Variants in SNAI2 observed in about 807,000 individuals in gnomAD.
SNAI2 encodes the protein snail family transcriptional repressor 2.
A neutral mutation model predicts 22.4 loss-of-function variants in SNAI2; 2 were observed. The observed-to-expected ratio is 0.09, with a 90% confidence interval of 0.04 to 0.28. SNAI2 has a LOEUF of 0.28. Among genes scored for constraint, SNAI2 ranks in the 10% least tolerant of loss-of-function variants. The probability of loss-of-function intolerance (pLI) is 1.00; values close to 1 mark genes in which losing one functional copy is unlikely to be tolerated. For missense variants in SNAI2, 239 were observed against 320.8 expected (o/e 0.75, Z 1.95); for synonymous variants, 134 against 123.0 (o/e 1.09, Z -0.59).
chr8:48,920,330 G>C lies in SNAI2; in HGVS notation c.191C>G (p.Pro64Arg), dbSNP rs1438797146. 1.9e-6 allele frequency: 3 copies of C among 1,611,716 alleles called. No homozygotes were observed. The highest frequency in any genetic ancestry group is 2.5e-6 in the Non-Finnish European group (3 of 1,178,314). Residue 64 changes from proline (P) to arginine (R), a missense_variant, in exon 2 of 3, where the codon CCA (proline) becomes CGA (arginine). This residue lies in a region of SNAI2 where 183 missense variants were observed against 190.4 expected (regional missense o/e 0.96). Transcript: ENST00000020945. ...SPITVWTTAA[P>R]FHAQLPNGLS... ...GCCATTGGGTAGCTGGGCGTGGAAT[G>C]GAGCAGCGGTAGTCCACACAGTGAT... is the stretch of plus-strand genomic sequence containing the variant.
At position 48,918,726 on chromosome 8, in the gene SNAI2, A is replaced by C. The variant is rs1806115860; in HGVS notation, c.*81T>G. 2.0e-6 allele frequency: 3 copies of C among 1,489,440 alleles called. No homozygotes were observed. The highest frequency in any genetic ancestry group is 1.4e-5 in the African/African-American group (1 of 72,394). 92.3% of individuals were successfully genotyped at this position (1,489,440 alleles called of 1,614,324 possible). A position where few individuals can be genotyped will look rare whatever the true frequency, so the allele number is the denominator to read the frequency against. On this transcript the variant is annotated 3_prime_UTR_variant, in exon 3 of 3. Transcript: ENST00000020945. ...ATTATTTGGTTGGTCAGCACAGGAG[A>C]AAATGCCTTTGGACTTTATTTGTCA... is the stretch of plus-strand genomic sequence containing the variant.
At chr8:48,920,604 T>G (rs747364518) in intron 1 of SNAI2, among the ~76,000 whole-genome samples, 163 bp from the exon 2 acceptor site, 5 of 152,226 alleles carry the variant, frequency 3.3e-5, no homozygotes, top group Non-Finnish European at 7.3e-5. Context: ...GTAAAATGTT[T>G]CATTTCCACC....
Position 48,920,176 on chromosome 8 carries a change from G to T in SNAI2, c.345C>A (p.Ser115=), listed in dbSNP as rs899026679. Residue 115 remains serine (S), a synonymous_variant, in exon 2 of 3, where the codon TCC becomes TCA. Coordinates refer to ENST00000020945, the MANE Select transcript of SNAI2 (RefSeq NM_003068.5). ...CAATGGCATGGGGGTCTGAAAGCTT[G>T]GACTGTAGTCTTTCCTCTTCATCAC... The part of the protein sequence containing the change: ...PISDEEERLQ[S]KLSDPHAIEA... 6.2e-7 allele frequency: 1 copy of T among 1,614,074 alleles called. No homozygotes were observed. The highest frequency in any genetic ancestry group is 1.3e-5 in the African/African-American group (1 of 74,918).
Position 48,920,163 on chromosome 8 carries a change from G to A in SNAI2, c.358C>T (p.Pro120Ser), listed in dbSNP as rs777170757. 8.7e-6 allele frequency: 14 copies of A among 1,614,080 alleles called. No individual in the cohort carries two copies. The highest frequency in any genetic ancestry group is 1.6e-4 in the Middle Eastern group (1 of 6,084). The change falls in exon 2 of 3, where the codon CCC (proline) becomes TCC (serine). Residue 120 changes from proline to serine, a missense_variant. Physicochemically the swap from Pro to Ser is moderately conservative, Grantham distance 74. Around this residue, in one of 3 missense-constraint regions of SNAI2, gnomAD observed 183 missense variants for 190.4 expected, o/e 0.96. Transcript: ENST00000020945. ...EERLQSKLSD[P>S]HAIEAEKFQC... ...AACTTTTCAGCTTCAATGGCATGGG[G>A]GTCTGAAAGCTTGGACTGTAGTCTT... is the stretch of plus-strand genomic sequence containing the variant.
At position 48,918,681 on chromosome 8, in the gene SNAI2, ATG is replaced by A; in HGVS notation, c.*124_*125del. The A allele has an allele frequency of 1.3e-5, 10 of 799,692 alleles. No individual in the cohort carries two copies. Among genetic ancestry groups the A allele is most frequent in the Non-Finnish European group, 1.9e-5 (9 of 462,552 alleles). 49.5% of individuals were successfully genotyped at this position (799,692 alleles called of 1,614,324 possible). A position where few individuals can be genotyped will look rare whatever the true frequency, so the allele number is the denominator to read the frequency against. ...TGGGTGTGTGTGTGTGTGTGTGCAT[ATG>A]TGTGTGTGTCTATACATATTATTTG... is the stretch of plus-strand genomic sequence containing the variant. On this transcript the variant is annotated 3_prime_UTR_variant, in exon 3 of 3. Transcript: ENST00000020945.
In SNAI2 at chr8:48,921,333, C is replaced by G; in HGVS notation, c.-68G>C. 7.9e-7 allele frequency: 1 copy of G among 1,260,316 alleles called. No individual in the cohort carries two copies. Among genetic ancestry groups the G allele is most frequent in the Non-Finnish European group, 1.2e-6 (1 of 868,210 alleles). The allele number at this position is 1,260,316 out of a possible 1,614,324, so 78.1% of individuals were successfully genotyped here. ...CGGCGGGAGGACACGGCGGTCCCTACAGCATCGCGGCGGGCCAGGCTCGGG... is the reference window on the plus strand; with the variant it reads ...CGGCGGGAGGACACGGCGGTCCCTAGAGCATCGCGGCGGGCCAGGCTCGGG... On this transcript the variant is annotated 5_prime_UTR_variant, in exon 1 of 3. Transcript: ENST00000020945.
rs752754350 is a variant in SNAI2, at chr8:48,918,994, G to C, written c.626-6C>G. On this transcript the variant is annotated splice_polypyrimidine_tract_variant and splice_region_variant and intron_variant, in intron 2 of 2. Transcript: ENST00000020945. ...GCAAGAAAAAGGCTTCTCCCCTGGG[G>C]GTGGAGTGGGAGAAAAAAAGAAAGA... 1.8e-5 allele frequency: 29 copies of C among 1,612,908 alleles called. No individual in the cohort carries two copies. The East Asian group carries it at 6.5e-4, about 36-fold the overall frequency.
intron 1 of SNAI2, 144 bp from the exon 2 acceptor site, chr8:48,920,585 T>A (rs780535904): frequency 8.1e-5 from 60 of 744,684 alleles, no homozygotes; most frequent in Admixed American, 1.9e-4. Flanking sequence ...TAGGAGGGCA[T>A]ACACACTGGT....
chr8:48,921,122 A>G (rs1312207452), intron 1 of SNAI2, 65 bp downstream of exon 1: 1 of 1,118,184 alleles, frequency 8.9e-7, no homozygotes, highest in African/African-American at 1.5e-5. Flanking sequence ...TTTGAAGGGT[A>G]ATACGTAGAT....
At chr8:48,921,123 A>G in intron 1 of SNAI2, 64 bp downstream of exon 1, 1 of 1,135,950 alleles carries the variant, frequency 8.8e-7, no homozygotes, top group Non-Finnish European at 1.3e-6. Context: ...TTGAAGGGTA[A>G]TACGTAGATT....
In SNAI2 at chr8:48,918,753, T is replaced by C. The variant is rs1806116235; in HGVS notation, c.*54A>G. 8 of 1,600,588 alleles carry C rather than the reference T, an allele frequency of 5.0e-6. No individual in the cohort carries two copies. The highest frequency in any genetic ancestry group is 6.0e-6 in the Non-Finnish European group (7 of 1,167,856). On this transcript the variant is annotated 3_prime_UTR_variant, in exon 3 of 3. Transcript: ENST00000020945. Reference sequence around the variant, plus strand: ...AATGCCTTTGGACTTTATTTGTCATTTGGCTTCGGAGTGAAGAAATGCATT... The same window carrying C: ...AATGCCTTTGGACTTTATTTGTCATCTGGCTTCGGAGTGAAGAAATGCATT...
chr8:48,919,132 C>G (rs1004841313), intron 2 of SNAI2, 144 bp from the exon 3 acceptor site: 1 of 718,102 alleles, frequency 1.4e-6, no homozygotes, highest in Admixed American at 2.7e-5. Context: ...TCATAATAGA[C>G]ACTTTTAAAA....
rs1806145028 is a variant in SNAI2 at position 48,920,418 on chromosome 8, CA to C, written c.102del (p.Tyr34Ter). ...GGTATGACAGGCATGGAGTAACTCT[CA>C]TAGAGATACGGGGAAATAATCACTG... Reference protein sequence around the residue: ...THTVIISPYLYESYSMPVIPQ... With the variant: ...THTVIISPYLXESYSMPVIPQ... On this transcript the variant is annotated frameshift_variant, in exon 2 of 3. Transcript: ENST00000020945. LOFTEE classifies it high-confidence loss of function. 1 of 1,613,730 alleles carries C rather than the reference CA, an allele frequency of 6.2e-7. No homozygotes were observed. Among genetic ancestry groups the C allele is most frequent in the Non-Finnish European group, 8.5e-7 (1 of 1,179,874 alleles).
Position 48,920,183 on chromosome 8 carries a change from A to G in SNAI2, c.338T>C (p.Leu113Pro). Residue 113 changes from leucine to proline, a missense_variant, in exon 2 of 3, where the codon CTA (leucine) becomes CCA (proline). By Grantham distance (98) the Leu-to-Pro change is moderately conservative. Transcript: ENST00000020945. The stretch of plus-strand genomic sequence containing the variant: ...ATGGGGGTCTGAAAGCTTGGACTGT[A>G]GTCTTTCCTCTTCATCACTAATGGG... ...ESPISDEEERLQSKLSDPHAI... is the reference protein window; with the variant it reads ...ESPISDEEERPQSKLSDPHAI... 6.2e-7 allele frequency: 1 copy of G among 1,614,198 alleles called. No individual in the cohort carries two copies.
At position 48,918,380 on chromosome 8, in the gene SNAI2, T is replaced by C. The variant is rs981170643; in HGVS notation, c.*427A>G. 1.2e-5 allele frequency: 2 copies of C among 165,936 alleles called. No individual in the cohort carries two copies. The allele number at this position is 165,936 out of a possible 1,614,324, so 10.3% of individuals were successfully genotyped here. A position where few individuals can be genotyped will look rare whatever the true frequency, so the allele number is the denominator to read the frequency against. ...ACTTTTTAAGGCACCTGAGTTCGCG[T>C]CTGGCAGATCTCTTCCTATGGGAAA... On this transcript the variant is annotated 3_prime_UTR_variant, in exon 3 of 3. Coordinates refer to ENST00000020945, the MANE Select transcript of SNAI2 (RefSeq NM_003068.5).
chr8:48,917,946 A>G lies in SNAI2; in HGVS notation c.*861T>C, dbSNP rs1806102360. On this transcript the variant is annotated 3_prime_UTR_variant, in exon 3 of 3. Transcript: ENST00000020945. ...ACAAATTTACATTGACTCATCAACT[A>G]TACAATTTAAAAAGGCACTTGGAAG... The G allele has an allele frequency of 6.6e-6, 1 of 152,222 alleles. No individual in the cohort carries two copies. The highest frequency in any genetic ancestry group is 2.4e-5 in the African/African-American group (1 of 41,460). 9.4% of individuals were successfully genotyped at this position (152,222 alleles called of 1,614,324 possible). A position where few individuals can be genotyped will look rare whatever the true frequency, so the allele number is the denominator to read the frequency against.
Position 48,920,103 on chromosome 8 carries a change from A to T in SNAI2, c.418T>A (p.Phe140Ile). 2 of 1,614,204 alleles carry T rather than the reference A, an allele frequency of 1.2e-6. No individual in the cohort carries two copies. Among genetic ancestry groups the T allele is most frequent in the Non-Finnish European group, 1.7e-6 (2 of 1,180,036 alleles). ...TGCTTATGTTTGGCCAGCCCAGAAA[A>T]AGTTGAATAGGTCTTATTGCATAAA... ...CNLCNKTYST[F>I]SGLAKHKQLH... is the part of the protein sequence containing the mutation. Residue 140 changes from phenylalanine (F) to isoleucine (I), a missense_variant, in exon 2 of 3, where the codon TTT becomes ATT. This residue lies in a region of SNAI2 where 183 missense variants were observed against 190.4 expected (regional missense o/e 0.96). Transcript: ENST00000020945.
At position 48,920,140 on chromosome 8, in the gene SNAI2, C is replaced by T. The variant is rs554685015; in HGVS notation, c.381G>A (p.Lys127=). The change falls in exon 2 of 3, where the codon AAG becomes AAA. Residue 127 remains lysine, a synonymous_variant. Transcript: ENST00000020945. The part of the protein sequence containing the change: ...LSDPHAIEAE[K]FQCNLCNKTY... ...TCTTATTGCATAAATTGCACTGAAA[C>T]TTTTCAGCTTCAATGGCATGGGGGT... The T allele has an allele frequency of 2.5e-6, 4 of 1,614,208 alleles. No homozygotes were observed. In the African/African-American group the frequency reaches 5.3e-5, roughly 22 times the overall value.
chr8:48,920,082 T>C lies in SNAI2; in HGVS notation c.439A>G (p.Lys147Glu), dbSNP rs1806138350. The C allele has an allele frequency of 6.2e-7, 1 of 1,614,062 alleles. No homozygotes were observed. The highest frequency in any genetic ancestry group is 1.1e-5 in the South Asian group (1 of 91,086). ...YSTFSGLAKHKQLHCDAQSRK... is the reference protein window; with the variant it reads ...YSTFSGLAKHEQLHCDAQSRK... ...GACTGGGCATCGCAGTGCAGCTGCTTATGTTTGGCCAGCCCAGAAAAAGTT... is the reference window on the plus strand; with the variant it reads ...GACTGGGCATCGCAGTGCAGCTGCTCATGTTTGGCCAGCCCAGAAAAAGTT... Residue 147 changes from lysine to glutamate, a missense_variant, in exon 2 of 3, where the codon AAG becomes GAG. Transcript: ENST00000020945.
Sources: gnomAD v4.1 joint callset for allele counts (sites outside exome capture counted in the v4.1 genomes callset) on GRCh38, gnomAD v4.1.1 for gene constraint, gnomAD v4.1.1 regional missense constraint, MANE v1.5 for transcripts, NCBI Gene and HGNC (gene_info 2026-07-23, HGNC 2026-07-21) for gene names.